TANC2: variants seen among roughly 807,000 people sequenced by gnomAD.
TANC2 encodes the protein tetratricopeptide repeat, ankyrin repeat and coiled-coil containing 2.
TANC2 carries 26 observed loss-of-function variants against 210.5 expected under a neutral mutation model. The ratio of observed to expected loss-of-function variants is 0.12; its 90% CI spans 0.09 to 0.17. The LOEUF (loss-of-function observed/expected upper bound fraction) is 0.17, where lower values mean the gene tolerates loss of function less well. Among genes scored for constraint, TANC2 ranks in the 10% least tolerant of loss-of-function variants. TANC2 has a pLI of 1.00. For synonymous variants in TANC2, 931 were observed against 967.1 expected (o/e 0.96, Z 0.69); for missense variants, 2,129 against 2,608.9 (o/e 0.82, Z 4.01).
Position 63,420,673 on chromosome 17 carries a change from A to C in TANC2, c.4943A>C (p.Tyr1648Ser). ...TCCCAGTCTGGTTCACCCGTGCGCT[A>C]TCAGCAGGAAACAAGCGTCAGTCAG... Residue 1648 changes from tyrosine to serine, a missense_variant, in exon 28 of 28, where the codon TAT (tyrosine) becomes TCT (serine). Tyr to Ser is a moderately radical substitution (Grantham distance 144, BLOSUM62 -2). Coordinates refer to ENST00000689528, the Ensembl canonical transcript of TANC2. The surrounding 1 kb of genome is among the most constrained non-coding windows in gnomAD (Gnocchi z 4.2). 1 of 1,613,724 alleles carries C rather than the reference A, an allele frequency of 6.2e-7. No homozygotes were observed. The highest frequency in any genetic ancestry group is 8.5e-7 in the Non-Finnish European group (1 of 1,179,772).
intron 2 of TANC2, among the ~76,000 whole-genome samples, chr17:63,037,112 C>T (rs777441590): frequency 2.0e-4 from 31 of 152,014 alleles, no homozygotes; most frequent in Admixed American, 3.3e-4. Context: ...GGTCTTTTCT[C>T]GCAAAATATC....
intron 8 of TANC2, among the ~76,000 whole-genome samples, chr17:63,245,940 G>A (rs2042906413): frequency 6.6e-6 from 1 of 151,888 alleles, no homozygotes; most frequent in Admixed American, 6.6e-5. Context: ...AACCTGGGAG[G>A]CGGAGGTTGC....
chr17:63,280,497 C>A (rs1186563162), intron 9 of TANC2, among the ~76,000 whole-genome samples: 1 of 151,938 alleles, frequency 6.6e-6, no homozygotes, highest in African/African-American at 2.4e-5. Context: ...TTGATCCTTT[C>A]CCTCCTCTTT....
chr17:63,118,378 C>T (rs2038332513), intron 4 of TANC2, among the ~76,000 whole-genome samples: 3 of 152,188 alleles, frequency 2.0e-5, no homozygotes, highest in Admixed American at 2.0e-4. Context: ...TGGTAATTAT[C>T]AACAAGATAT....
intron 21 of TANC2, among the ~76,000 whole-genome samples, chr17:63,407,457 A>G (rs1375789002): frequency 6.6e-6 from 1 of 152,248 alleles, no homozygotes; most frequent in African/African-American, 2.4e-5. Flanking sequence ...TAACCTTTAG[A>G]TAGCTGCAAA....
chr17:63,089,167 C>T (rs544635588), intron 3 of TANC2: 3 of 152,168 alleles, frequency 2.0e-5, no homozygotes, highest in Admixed American at 6.5e-5. Flanking sequence ...GATTGTGAGA[C>T]GAAAACACCG....
intron 3 of TANC2, among the ~76,000 whole-genome samples, chr17:63,092,791 A>C (rs999086067): frequency 1.3e-5 from 2 of 151,862 alleles, no homozygotes; most frequent in African/African-American, 4.8e-5. Flanking sequence ...TCATCCAAAC[A>C]CCTCCCAACA....
intron 5 of TANC2, among the ~76,000 whole-genome samples, chr17:63,191,308 T>C (rs1469533771): frequency 6.7e-6 from 1 of 150,052 alleles, no homozygotes; most frequent in East Asian, 2.1e-4. Context: ...GCAAAAGTAA[T>C]TGTGGTTTTT....
exon 28 of TANC2, chr17:63,422,604 A>G (rs1439089086): frequency 1.3e-5 from 2 of 152,216 alleles, no homozygotes; most frequent in African/African-American, 2.4e-5. Context: ...CACTACATTG[A>G]TTTTCCAAGA....
chr17:63,053,524 A>G (rs985877905), intron 2 of TANC2, among the ~76,000 whole-genome samples: 2 of 152,258 alleles, frequency 1.3e-5, no homozygotes, highest in Admixed American at 6.5e-5. Flanking sequence ...TTCCACACCA[A>G]GTCTTAGTCC....
At chr17:63,206,321 G>A (rs2041709447) in intron 7 of TANC2, among the ~76,000 whole-genome samples, 1 of 152,176 alleles carries the variant, frequency 6.6e-6, no homozygotes, top group South Asian at 2.1e-4. Flanking sequence ...ACATAGAATT[G>A]CCATATGATC....
At chr17:63,338,440 G>A (rs2046111033) in intron 11 of TANC2, among the ~76,000 whole-genome samples, 2 of 152,108 alleles carry the variant, frequency 1.3e-5, no homozygotes, top group African/African-American at 4.8e-5. Context: ...GATTTTCTCA[G>A]CTGTGCTTAG....
At chr17:63,383,547 C>A (rs1367971034) in intron 15 of TANC2, among the ~76,000 whole-genome samples, 2 of 152,090 alleles carry the variant, frequency 1.3e-5, no homozygotes, top group Non-Finnish European at 2.9e-5. Flanking sequence ...TAGTTCATTT[C>A]TTTTTATTGC....
At chr17:63,297,715 G>T (rs1356205056) in intron 9 of TANC2, among the ~76,000 whole-genome samples, 2 of 151,924 alleles carry the variant, frequency 1.3e-5, no homozygotes, top group African/African-American at 4.8e-5. Flanking sequence ...AAGATATTTT[G>T]AACTTCATTA....
exon 5 of TANC2, chr17:63,151,341 A>T: frequency 1.0e-6 from 1 of 985,792 alleles, no homozygotes; most frequent in Non-Finnish European, 1.2e-6. Context: ...ACCAACCCTC[A>T]CTTCAGCTCA....
chr17:63,245,868 T>G (rs923173535), intron 8 of TANC2, among the ~76,000 whole-genome samples: 1 of 149,142 alleles, frequency 6.7e-6, no homozygotes, highest in African/African-American at 2.5e-5. Context: ...AAATTACCTG[T>G]GCATGGTAGC....
At chr17:63,154,573 C>G (rs980780457) in intron 5 of TANC2, 2 of 152,000 alleles carry the variant, frequency 1.3e-5, no homozygotes, top group African/African-American at 4.8e-5. Flanking sequence ...ACCTTTCTAC[C>G]TGTTTCTTCA....
In TANC2 at chr17:63,267,719, ATTCTAACTAAACTTTTCT is replaced by A; in HGVS notation, c.1034-24_1034-7del. The A allele has an allele frequency of 6.2e-7, 1 of 1,606,852 alleles. No individual in the cohort carries two copies. Among genetic ancestry groups the A allele is most frequent in the Non-Finnish European group, 8.5e-7 (1 of 1,176,102 alleles). Reference sequence around the variant, plus strand: ...TGAAAGACATTTTCTGAACTTAAATATTCTAACTAAACTTTTCTTTCTTGTCAGCCACCAGCTCTGCCC... The same window carrying A: ...TGAAAGACATTTTCTGAACTTAAATATTCTTGTCAGCCACCAGCTCTGCCC... On this transcript the variant is annotated splice_polypyrimidine_tract_variant and intron_variant, in intron 8 of 27. Coordinates refer to ENST00000689528, the Ensembl canonical transcript of TANC2.
intron 7 of TANC2, among the ~76,000 whole-genome samples, chr17:63,233,633 A>G (rs2042541640): frequency 6.6e-6 from 1 of 152,228 alleles, no homozygotes; most frequent in African/African-American, 2.4e-5. Flanking sequence ...CTTCTGTGTG[A>G]GAGCCTCCAA....
Sources: gnomAD v4.1 joint callset for allele counts (sites outside exome capture counted in the v4.1 genomes callset) on GRCh38, gnomAD v4.1.1 for gene constraint, Gnocchi (gnomAD v3.1) non-coding constraint, MANE v1.5 for transcripts, NCBI Gene and HGNC (gene_info 2026-07-23, HGNC 2026-07-21) for gene names.